The following NATD1 variants were observed in gnomAD, a reference collection of about 807,000 sequenced individuals.
The protein encoded by NATD1 is N-acetyltransferase domain containing 1.
NATD1 carries 9 observed loss-of-function variants against 12.0 expected under a neutral mutation model. The observed-to-expected ratio is 0.75, with a 90% CI of 0.45 to 1.30. The LOEUF is 1.30. Among genes scored for constraint, NATD1 ranks in the 50% most tolerant of loss-of-function variants. NATD1 has a pLI of 0.00. For synonymous variants in NATD1, 71 were observed against 65.9 expected, an observed-to-expected ratio of 1.08 and a Z score of -0.37; for missense variants, 148 against 148.5, an observed-to-expected ratio of 1.00 and a Z score of 0.02.
rs1975253410 is a variant in NATD1, at chr17:21,240,121, A to T, written c.*3192T>A. ...CTTCCCTAGGAGACCGCACAAAGCC[A>T]CTCAGCTTCATAGCTGGGCTGTGGC... is the stretch of plus-strand genomic sequence containing the variant. On this transcript the variant is annotated 3_prime_UTR_variant, in exon 3 of 3. Coordinates refer to ENST00000611551, the MANE Select transcript of NATD1 (RefSeq NM_152914.3). The T allele has an allele frequency of 6.6e-6, 1 of 152,226 alleles. No individual in the cohort carries two copies. Among genetic ancestry groups the T allele is most frequent in the Admixed American group, 6.5e-5 (1 of 15,284 alleles). The allele number at this position is 152,226 out of a possible 1,614,324, so 9.4% of individuals were successfully genotyped here.
rs1395135311 is a variant in NATD1, at chr17:21,240,253, G to A, written c.*3060C>T. 6.6e-6 allele frequency: 1 copy of A among 152,308 alleles called. No individual in the cohort carries two copies. The highest frequency in any genetic ancestry group is 1.9e-4 in the East Asian group (1 of 5,192). 9.4% of individuals were successfully genotyped at this position (152,308 alleles called of 1,614,324 possible). Reference sequence around the variant, plus strand: ...TGGGGTCTGGGTTCCTGAAGTCACTGTTATCCTGCAGGGAGACCTCAGCCA... The same window carrying A: ...TGGGGTCTGGGTTCCTGAAGTCACTATTATCCTGCAGGGAGACCTCAGCCA... On this transcript the variant is annotated 3_prime_UTR_variant, in exon 3 of 3. Coordinates refer to ENST00000611551, the MANE Select transcript of NATD1 (RefSeq NM_152914.3).
chr17:21,248,060 G>A (rs551139864), intron 1 of NATD1, among the ~76,000 whole-genome samples: 67 of 152,042 alleles, frequency 4.4e-4, no homozygotes, highest in African/African-American at 1.6e-3. Context: ...GGTGGTGGTG[G>A]GGCTGTATGT....
rs745424288 is a variant in NATD1, at chr17:21,244,084, C to T, written c.225+22G>A. On this transcript the variant is annotated intron_variant, in intron 2 of 2. Coordinates refer to ENST00000611551, the MANE Select transcript of NATD1 (RefSeq NM_152914.3). The surrounding 1 kb of genome is among the most constrained non-coding windows in gnomAD (Gnocchi z 5.2). ...CCCCCATGTCCCCGTCCCCGCTTGG[C>T]CCTGCCACCTGCCTGCCCTACCTTG... 6.3e-7 allele frequency: 1 copy of T among 1,598,284 alleles called. No individual in the cohort carries two copies. Among genetic ancestry groups the T allele is most frequent in the Non-Finnish European group, 8.5e-7 (1 of 1,170,858 alleles).
intron 1 of NATD1, among the ~76,000 whole-genome samples, chr17:21,246,940 T>C (rs962773564): frequency 1.3e-5 from 2 of 151,610 alleles, no homozygotes; most frequent in Non-Finnish European, 2.9e-5. Flanking sequence ...GGAGTGAGGG[T>C]TGGGAAACCA....
chr17:21,245,661 C>A (rs1311130371), intron 1 of NATD1, among the ~76,000 whole-genome samples: 1 of 152,180 alleles, frequency 6.6e-6, no homozygotes, highest in African/African-American at 2.4e-5. Flanking sequence ...GGAGCCCAGG[C>A]CTGCAGGTCC....
chr17:21,250,623 C>T (rs1392137468), intron 1 of NATD1, among the ~76,000 whole-genome samples: 5 of 152,214 alleles, frequency 3.3e-5, no homozygotes, highest in African/African-American at 1.2e-4. Context: ...CATTTCACTT[C>T]CCCATGCCTC....
Position 21,243,482 on chromosome 17 carries a change from G to A in NATD1, c.226-53C>T. 2.1e-6 allele frequency: 3 copies of A among 1,451,044 alleles called. No homozygotes were observed. The South Asian group carries it at 3.4e-5, about 17-fold the overall frequency. 89.9% of individuals were successfully genotyped at this position (1,451,044 alleles called of 1,614,324 possible). On this transcript the variant is annotated intron_variant, in intron 2 of 2. Transcript: ENST00000611551. ...TCAGGGCCTGCAGCCGGCACCAGAA[G>A]GTAGCATTGTCTGCTGCCTCCCCAG...
rs1404475520 is a variant in NATD1, at chr17:21,253,270, C to G, written c.-6G>C. On this transcript the variant is annotated 5_prime_UTR_variant, in exon 1 of 3. Coordinates refer to ENST00000611551, the MANE Select transcript of NATD1 (RefSeq NM_152914.3). ...GCGGCAGCCGAGTGCGCCATCTGCG[C>G]GCGGGGCTGCGGCGCGGCGCCGGCG... 2.5e-5 allele frequency: 25 copies of G among 988,524 alleles called. No individual in the cohort carries two copies. The highest frequency in any genetic ancestry group is 5.2e-4 in the Middle Eastern group (1 of 1,934). The allele number at this position is 988,524 out of a possible 1,614,324, so 61.2% of individuals were successfully genotyped here. A position where few individuals can be genotyped will look rare whatever the true frequency, so the allele number is the denominator to read the frequency against.
rs970294151 is a variant in NATD1 at position 21,244,047 on chromosome 17, C to G, written c.225+59G>C. On this transcript the variant is annotated intron_variant, in intron 2 of 2. Coordinates refer to ENST00000611551, the MANE Select transcript of NATD1 (RefSeq NM_152914.3). This position sits in a 1 kb window ranked among gnomAD's most constrained non-coding sequence, Gnocchi z 5.2. Reference sequence around the variant, plus strand: ...CACCAGGGCCACCGTCTCCTCGGAGCGAAGGTGGCAGCCCCCATGTCCCCG... The same window carrying G: ...CACCAGGGCCACCGTCTCCTCGGAGGGAAGGTGGCAGCCCCCATGTCCCCG... The G allele has an allele frequency of 6.1e-6, 9 of 1,469,480 alleles. No individual in the cohort carries two copies. The African/African-American group carries it at 1.1e-4, about 18-fold the overall frequency. The allele number at this position is 1,469,480 out of a possible 1,614,324, so 91.0% of individuals were successfully genotyped here.
In NATD1 at chr17:21,243,440, G is replaced by A; in HGVS notation, c.226-11C>T. 1 of 1,607,820 alleles carries A rather than the reference G, an allele frequency of 6.2e-7. No homozygotes were observed. The highest frequency in any genetic ancestry group is 8.5e-7 in the Non-Finnish European group (1 of 1,177,018). On this transcript the variant is annotated splice_polypyrimidine_tract_variant and intron_variant, in intron 2 of 2. Transcript: ENST00000611551. ...GAAGTCCAGGGCGGCCTGGGAGCCGGGCAGAGAGGAGAGTGGTCAGGGCCT... is the reference window on the plus strand; with the variant it reads ...GAAGTCCAGGGCGGCCTGGGAGCCGAGCAGAGAGGAGAGTGGTCAGGGCCT...
chr17:21,248,855 C>T (rs1975350826), intron 1 of NATD1, among the ~76,000 whole-genome samples: 1 of 152,162 alleles, frequency 6.6e-6, no homozygotes, highest in South Asian at 2.1e-4. Context: ...TATGCCAGTC[C>T]TGACACCCCT....
chr17:21,247,008 A>C (rs1975331356), intron 1 of NATD1, among the ~76,000 whole-genome samples: 1 of 152,208 alleles, frequency 6.6e-6, no homozygotes, highest in Admixed American at 6.5e-5. Flanking sequence ...AAAAAACCTC[A>C]GCTTTTGCTC....
At chr17:21,248,932 C>T (rs1474461583) in intron 1 of NATD1, among the ~76,000 whole-genome samples, 3 of 152,122 alleles carry the variant, frequency 2.0e-5, no homozygotes, top group Non-Finnish European at 4.4e-5. Flanking sequence ...GGCCTGAGAA[C>T]CCCACCAGCA....
chr17:21,240,149 C>G lies in NATD1; in HGVS notation c.*3164G>C, dbSNP rs1473936797. The G allele has an allele frequency of 6.6e-6, 1 of 152,362 alleles. No individual in the cohort carries two copies. Among genetic ancestry groups the G allele is most frequent in the Non-Finnish European group, 1.5e-5 (1 of 68,142 alleles). 9.4% of individuals were successfully genotyped at this position (152,362 alleles called of 1,614,324 possible). ...CAGCTTCATAGCTGGGCTGTGGCCT[C>G]AGAGGCTTTTGTGCCTGGAGGTGGC... is the stretch of plus-strand genomic sequence containing the variant. On this transcript the variant is annotated 3_prime_UTR_variant, in exon 3 of 3. Coordinates refer to ENST00000611551, the MANE Select transcript of NATD1 (RefSeq NM_152914.3).
intron 1 of NATD1, among the ~76,000 whole-genome samples, chr17:21,245,218 G>T (rs1014204603): frequency 1.3e-5 from 2 of 152,072 alleles, no homozygotes; most frequent in Non-Finnish European, 2.9e-5. Context: ...CTGAATGAGG[G>T]GCCGCTGGAG....
In NATD1 at chr17:21,244,189, C is replaced by A. The variant is rs1463836824; in HGVS notation, c.142G>T (p.Val48Leu). ...HDRAVLLYEY[V>L]GKRIVDLQHT... ...TGCAGGTCCACGATCCGCTTGCCCA[C>A]GTACTCATAGAGCAGGACGGCCCGG... The change falls in exon 2 of 3, where the codon GTG becomes TTG. Residue 48 changes from valine to leucine, a missense_variant. By Grantham distance (32) the Val-to-Leu change is conservative. Coordinates refer to ENST00000611551, the MANE Select transcript of NATD1 (RefSeq NM_152914.3). The surrounding 1 kb of genome is among the most constrained non-coding windows in gnomAD (Gnocchi z 5.2). The A allele has an allele frequency of 1.9e-6, 3 of 1,613,102 alleles. No individual in the cohort carries two copies. Among genetic ancestry groups the A allele is most frequent in the Admixed American group, 1.7e-5 (1 of 59,984 alleles).
chr17:21,245,133 C>T (rs1203678840), intron 1 of NATD1, among the ~76,000 whole-genome samples: 1 of 152,062 alleles, frequency 6.6e-6, no homozygotes, highest in African/African-American at 2.4e-5. Flanking sequence ...AAGGAGAGGG[C>T]ACCAGCCATT....
chr17:21,253,171 C>A lies in NATD1; in HGVS notation c.94G>T (p.Val32Phe). The A allele has an allele frequency of 9.8e-7, 1 of 1,020,956 alleles. No homozygotes were observed. Among genetic ancestry groups the A allele is most frequent in the East Asian group, 8.5e-5 (1 of 11,736 alleles). 63.2% of individuals were successfully genotyped at this position (1,020,956 alleles called of 1,614,324 possible). The part of the protein sequence containing the change: ...EHDRRRRQFT[V>F]RLNGCHDRAV... ...GGGGCCGCCTTACCGTTGAGCCGGA[C>A]AGTGAACTGGCGGCGCCGGCGGTCG... The change falls in exon 1 of 3, where the codon GTC becomes TTC. Residue 32 changes from valine to phenylalanine, a missense_variant. Coordinates refer to ENST00000611551, the MANE Select transcript of NATD1 (RefSeq NM_152914.3).
rs968284064 is a variant in NATD1 at position 21,244,653 on chromosome 17, G to T, written c.107-429C>A. 1.3e-5 allele frequency among the ~76,000 whole-genome samples: 2 copies of T among 152,206 alleles called. No individual in the cohort carries two copies. The highest frequency in any genetic ancestry group is 3.8e-4 in the East Asian group (2 of 5,196). The stretch of plus-strand genomic sequence containing the variant: ...CTGCAACTAAGGCAGAGCATGAAGA[G>T]ATTAGAGAGGCAGCGCTGCGCCACG... On this transcript the variant is annotated intron_variant, in intron 1 of 2. Coordinates refer to ENST00000611551, the MANE Select transcript of NATD1 (RefSeq NM_152914.3). This position sits in a 1 kb window ranked among gnomAD's most constrained non-coding sequence, Gnocchi z 5.2.
Sources: gnomAD v4.1 joint callset for allele counts (sites outside exome capture counted in the v4.1 genomes callset) on GRCh38, gnomAD v4.1.1 for gene constraint, Gnocchi (gnomAD v3.1) non-coding constraint, MANE v1.5 for transcripts, NCBI Gene and HGNC (gene_info 2026-07-23, HGNC 2026-07-21) for gene names.